Variants in YAF2 observed in about 807,000 individuals in gnomAD.
YAF2 encodes the protein YY1-associated factor 2.
In YAF2, 7 loss-of-function variants were observed where a neutral mutation model predicts 20.1. The ratio of observed to expected loss-of-function variants is 0.35; its 90% CI spans 0.20 to 0.65. The LOEUF (loss-of-function observed/expected upper bound fraction) is 0.65. Among genes scored for constraint, YAF2 ranks in the 30% least tolerant of loss-of-function variants. The probability of loss-of-function intolerance (pLI) is 0.69; values close to 1 mark genes in which losing one functional copy is unlikely to be tolerated. For synonymous variants in YAF2, 74 were observed against 76.0 expected, an observed-to-expected ratio of 0.97 and a Z score of 0.14; for missense variants, 151 against 219.2, an observed-to-expected ratio of 0.69 and a Z score of 1.96.
intron 2 of YAF2, among the ~76,000 whole-genome samples, chr12:42,211,869 T>C (rs2067222084): frequency 6.6e-6 from 1 of 151,268 alleles, no homozygotes; most frequent in African/African-American, 2.4e-5. Context: ...ACTAACATAG[T>C]GAAACCCCGT....
intron 2 of YAF2, among the ~76,000 whole-genome samples, chr12:42,224,727 T>C (rs1434557317): frequency 2.0e-5 from 3 of 152,212 alleles, no homozygotes; most frequent in South Asian, 2.1e-4. Context: ...TACAGCTGCA[T>C]AGTATTCCAT....
At chr12:42,236,280 C>T (rs1413755013) in intron 2 of YAF2, among the ~76,000 whole-genome samples, 25 of 152,212 alleles carry the variant, frequency 1.6e-4, no homozygotes, top group Admixed American at 1.6e-3. Context: ...ACTTAAATCA[C>T]AAATCACGGG....
intron 2 of YAF2, among the ~76,000 whole-genome samples, chr12:42,223,982 T>C (rs1048349794): frequency 6.6e-6 from 1 of 152,106 alleles, no homozygotes; most frequent in African/African-American, 2.4e-5. Context: ...CCGTGGCACA[T>C]GTATATCTAT....
chr12:42,172,681 T>G (rs1235967968), intron 2 of YAF2, among the ~76,000 whole-genome samples: 3 of 152,214 alleles, frequency 2.0e-5, no homozygotes, highest in Non-Finnish European at 4.4e-5. Context: ...CACAAAAATG[T>G]GTACATGAAT....
At chr12:42,216,032 G>A (rs911184168) in intron 2 of YAF2, among the ~76,000 whole-genome samples, 1 of 152,040 alleles carries the variant, frequency 6.6e-6, no homozygotes, top group Non-Finnish European at 1.5e-5. Flanking sequence ...AGTACCCAAT[G>A]TTTTGGGATT....
chr12:42,178,940 G>A (rs1016177336), intron 2 of YAF2, among the ~76,000 whole-genome samples: 2 of 151,986 alleles, frequency 1.3e-5, no homozygotes, highest in Non-Finnish European at 2.9e-5. Flanking sequence ...GTAGTCTTAC[G>A]TACTCAGAAG....
At chr12:42,224,147 T>A (rs2067610903) in intron 2 of YAF2, among the ~76,000 whole-genome samples, 1 of 152,182 alleles carries the variant, frequency 6.6e-6, no homozygotes, top group African/African-American at 2.4e-5. Flanking sequence ...CTCAACTCCT[T>A]GTATTTACTC....
At chr12:42,168,361 T>C (rs961130157) in intron 2 of YAF2, among the ~76,000 whole-genome samples, 4 of 151,972 alleles carry the variant, frequency 2.6e-5, no homozygotes, top group African/African-American at 9.7e-5. Context: ...TTTGTATTTT[T>C]AGTAGAAACG....
intron 2 of YAF2, among the ~76,000 whole-genome samples, chr12:42,179,554 T>C (rs1258174498): frequency 6.6e-6 from 1 of 151,772 alleles, no homozygotes; most frequent in African/African-American, 2.4e-5. Context: ...AAAATAGAAA[T>C]TGAGGTGGGC....
rs762889816 is a variant in YAF2, at chr12:42,238,205, G to C, written c.-25C>G. 8 of 1,510,716 alleles carry C rather than the reference G, an allele frequency of 5.3e-6. No individual in the cohort carries two copies. The highest frequency in any genetic ancestry group is 2.7e-6 in the Non-Finnish European group (3 of 1,125,932). 93.6% of individuals were successfully genotyped at this position (1,510,716 alleles called of 1,614,324 possible). A position where few individuals can be genotyped will look rare whatever the true frequency, so the allele number is the denominator to read the frequency against. On this transcript the variant is annotated 5_prime_UTR_variant, in exon 1 of 4. Transcript: ENST00000534854. The stretch of plus-strand genomic sequence containing the variant: ...TGGCTTGGCTATCACCGCACGCCGA[G>C]AGTCGCCGCCGCGACCGCTCTGTTT...
rs189751990 is a variant in YAF2 at position 42,159,159 on chromosome 12, T to C, written c.*1430A>G. 3 of 152,244 alleles carry C rather than the reference T, an allele frequency of 2.0e-5. No individual in the cohort carries two copies. The East Asian group carries it at 5.8e-4, about 29-fold the overall frequency. The allele number at this position is 152,244 out of a possible 1,614,324, so 9.4% of individuals were successfully genotyped here. A position where few individuals can be genotyped will look rare whatever the true frequency, so the allele number is the denominator to read the frequency against. ...AAAAGTACTGTAATTAAACAGAAAA[T>C]TACATTACCACATGAAACCACCAAA... is the stretch of plus-strand genomic sequence containing the variant. On this transcript the variant is annotated 3_prime_UTR_variant, in exon 4 of 4. Transcript: ENST00000534854.
intron 1 of YAF2, 76 bp from the exon 2 acceptor site, chr12:42,237,800 G>GCCCCCGCCCCGC (rs1213066870): frequency 5.9e-5 from 63 of 1,075,294 alleles, no homozygotes; most frequent in African/African-American, 7.0e-5. Flanking sequence ...CCCCGCGGCC[G>GCCCCCGCCCCGC]CCCCCGCCCC....
chr12:42,199,291 T>G, intron 2 of YAF2: 1 of 1,003,112 alleles, frequency 1.0e-6, no homozygotes, highest in Non-Finnish European at 1.3e-6. Context: ...GGAACAGAAT[T>G]TGACCAATAG....
At chr12:42,229,427 A>G (rs1026534009) in intron 2 of YAF2, among the ~76,000 whole-genome samples, 2 of 151,434 alleles carry the variant, frequency 1.3e-5, no homozygotes, top group African/African-American at 4.9e-5. Flanking sequence ...AAATTAAAAA[A>G]AAAAAAAAAC....
At chr12:42,225,442 T>C (rs1305984878) in intron 2 of YAF2, among the ~76,000 whole-genome samples, 4 of 152,232 alleles carry the variant, frequency 2.6e-5, no homozygotes, top group African/African-American at 9.6e-5. Flanking sequence ...TGCCCATGCC[T>C]ATGTCCTGAA....
intron 2 of YAF2, among the ~76,000 whole-genome samples, chr12:42,190,987 T>G (rs1231897367): frequency 2.0e-5 from 3 of 152,142 alleles, no homozygotes; most frequent in Admixed American, 6.5e-5. Context: ...AAAAATGTTC[T>G]GAGGGGAATT....
rs1160911436 is a variant in YAF2, at chr12:42,159,481, A to G, written c.*1108T>C. 1 of 152,122 alleles carries G rather than the reference A, an allele frequency of 6.6e-6. No homozygotes were observed. Among genetic ancestry groups the G allele is most frequent in the African/African-American group, 2.4e-5 (1 of 41,464 alleles). 9.4% of individuals were successfully genotyped at this position (152,122 alleles called of 1,614,324 possible). ...TATTTTATTGGTAATTTTACATAGT[A>G]TAAGTGGGGCTATACTTTTTTCCTT... On this transcript the variant is annotated 3_prime_UTR_variant, in exon 4 of 4. Transcript: ENST00000534854.
chr12:42,165,525 G>C (rs1173987278), intron 2 of YAF2, among the ~76,000 whole-genome samples: 2 of 151,998 alleles, frequency 1.3e-5, no homozygotes, highest in Non-Finnish European at 2.9e-5. Context: ...GTGCAGTGGC[G>C]TGATCTCAGG....
intron 2 of YAF2, among the ~76,000 whole-genome samples, chr12:42,179,705 G>C (rs1353452636): frequency 6.9e-6 from 1 of 145,834 alleles, no homozygotes; most frequent in African/African-American, 2.5e-5. Flanking sequence ...AATTGCTTGA[G>C]CCCAGGAGGT....
Sources: allele counts gnomAD v4.1 joint callset (sites outside exome capture counted in the v4.1 genomes callset), GRCh38; gene constraint gnomAD v4.1.1; transcripts MANE v1.5; gene names NCBI Gene and HGNC (gene_info 2026-07-23, HGNC 2026-07-21).